Variants in RSF1 observed in about 807,000 individuals in gnomAD.
RSF1 encodes remodeling and spacing factor 1.
A neutral mutation model predicts 145.2 loss-of-function variants in RSF1; 13 were observed. The ratio of observed to expected loss-of-function variants is 0.09; its 90% confidence interval spans 0.06 to 0.14. The LOEUF is 0.14. Ranked by LOEUF, RSF1 falls within the 10% of genes least tolerant of loss-of-function variation. The probability of loss-of-function intolerance (pLI) is 1.00; values close to 1 mark genes in which losing one functional copy is unlikely to be tolerated. For synonymous variants in RSF1, 577 were observed against 592.6 expected (o/e 0.97, Z 0.38); for missense variants, 1,517 against 1,718.2 (o/e 0.88, Z 2.07).
intron 5 of RSF1, among the ~76,000 whole-genome samples, chr11:77,724,884 C>T (rs1211732591): frequency 6.6e-6 from 1 of 152,170 alleles, no homozygotes; most frequent in Non-Finnish European, 1.5e-5. Context: ...AATCTGGTTC[C>T]TAACAGGTTA....
chr11:77,812,474 A>G (rs1479400067), intron 1 of RSF1, among the ~76,000 whole-genome samples: 1 of 152,252 alleles, frequency 6.6e-6, no homozygotes, highest in South Asian at 2.1e-4. Context: ...TCTTGCTTAC[A>G]TGAGCCATAT....
Position 77,701,074 on chromosome 11 carries a change from A to G in RSF1, c.2155T>C (p.Ser719Pro), listed in dbSNP as rs1209695063. Residue 719 changes from serine to proline, a missense_variant, in exon 6 of 16, where the codon TCA becomes CCA. Around this residue, in one of 12 missense-constraint regions of RSF1, gnomAD observed 579 missense variants for 553.5 expected, o/e 1.05. Coordinates refer to ENST00000308488, the MANE Select transcript of RSF1 (RefSeq NM_016578.4). ...KLVPEEETTA[S>P]ENTEITSERQ... ...TCAGAGGTTATCTCTGTATTTTCTGAGGCAGTGGTTTCTTCTTCAGGAACC... is the reference window on the plus strand; with the variant it reads ...TCAGAGGTTATCTCTGTATTTTCTGGGGCAGTGGTTTCTTCTTCAGGAACC... 3 of 1,613,456 alleles carry G rather than the reference A, an allele frequency of 1.9e-6. No homozygotes were observed. Among genetic ancestry groups the G allele is most frequent in the Non-Finnish European group, 2.5e-6 (3 of 1,179,966 alleles).
intron 8 of RSF1, among the ~76,000 whole-genome samples, chr11:77,693,295 T>C (rs934934108): frequency 6.6e-6 from 1 of 152,124 alleles, no homozygotes; most frequent in Non-Finnish European, 1.5e-5. Context: ...TTCATAATTT[T>C]ACAAAACTTA....
At chr11:77,817,833 G>A (rs1444614950) in intron 1 of RSF1, among the ~76,000 whole-genome samples, 2 of 152,124 alleles carry the variant, frequency 1.3e-5, no homozygotes, top group African/African-American at 2.4e-5. Context: ...CTTGTTGGCT[G>A]AGCCACTATC....
chr11:77,714,842 TA>T (rs879594571), intron 5 of RSF1, among the ~76,000 whole-genome samples: 315 of 143,152 alleles, frequency 2.2e-3, no homozygotes, highest in Non-Finnish European at 2.0e-3. Context: ...ACCTTGTCTT[TA>T]AAAAAAAAAA....
At chr11:77,830,688 A>G in the RSF1 span, among the ~76,000 whole-genome samples, 1 of 152,076 alleles carries the variant, frequency 6.6e-6, no homozygotes, top group Non-Finnish European at 1.5e-5. Flanking sequence ...CACCCCAAAC[A>G]GCAACAGGAT....
chr11:77,778,278 G>GC (rs1948368721), intron 1 of RSF1, among the ~76,000 whole-genome samples: 1 of 126,844 alleles, frequency 7.9e-6, no homozygotes, highest in African/African-American at 3.0e-5. Flanking sequence ...GGATGGGGGA[G>GC]GGGAGGGGAA....
chr11:77,683,545 A>C (rs1274779426), intron 11 of RSF1, among the ~76,000 whole-genome samples, 165 bp downstream of exon 11: 2 of 152,066 alleles, frequency 1.3e-5, no homozygotes, highest in Non-Finnish European at 2.9e-5. Context: ...TCTCAAAAAA[A>C]AAAGAAAAAG....
At chr11:77,691,342 G>T in intron 8 of RSF1, 104 bp from the exon 9 acceptor site, 2 of 877,648 alleles carry the variant, frequency 2.3e-6, no homozygotes, top group South Asian at 2.9e-5. Context: ...GCTGGTAAGG[G>T]ACCACATAGT....
At chr11:77,794,556 T>C (rs1181501839) in intron 1 of RSF1, among the ~76,000 whole-genome samples, 3 of 151,540 alleles carry the variant, frequency 2.0e-5, no homozygotes, top group Non-Finnish European at 4.4e-5. Flanking sequence ...AAAAAAAACA[T>C]ACAAACACAT....
Position 77,702,155 on chromosome 11 carries a change from T to C in RSF1, c.1074A>G (p.Lys358=), listed in dbSNP as rs2135854996. 2 of 1,614,010 alleles carry C rather than the reference T, an allele frequency of 1.2e-6. No individual in the cohort carries two copies. Among genetic ancestry groups the C allele is most frequent in the African/African-American group, 1.3e-5 (1 of 75,042 alleles). The change falls in exon 6 of 16, where the codon AAA becomes AAG. Residue 358 remains lysine, a synonymous_variant. Coordinates refer to ENST00000308488, the MANE Select transcript of RSF1 (RefSeq NM_016578.4). ...ATTTCTCAGTAATTTCGTGAGAAGATTTAATATTGCCACCAAATTCGATCC... is the reference window on the plus strand; with the variant it reads ...ATTTCTCAGTAATTTCGTGAGAAGACTTAATATTGCCACCAAATTCGATCC... ...PERIEFGGNI[K]SSHEITEKST... is the part of the protein sequence containing the mutation.
chr11:77,718,702 A>G (rs56238617), intron 5 of RSF1, among the ~76,000 whole-genome samples: 1,981 of 152,298 alleles, frequency 0.013, 39 homozygotes, highest in African/African-American at 0.046. Context: ...ACACACAGAG[A>G]AGAGAGTCAT....
chr11:77,760,874 G>A (rs1026957398), intron 2 of RSF1, among the ~76,000 whole-genome samples: 4 of 151,874 alleles, frequency 2.6e-5, no homozygotes, highest in African/African-American at 9.7e-5. Flanking sequence ...CTGTTGAGGG[G>A]TAGAAAAACA....
the RSF1 span, among the ~76,000 whole-genome samples, chr11:77,858,299 A>ATTTTTTTTT: frequency 1.1e-5 from 1 of 91,556 alleles, no homozygotes. Context: ...CGTTTAAGCA[A>ATTTTTTTTT]TTCTTTTTTT....
chr11:77,773,930 T>A (rs1948313566), intron 1 of RSF1, among the ~76,000 whole-genome samples: 1 of 152,102 alleles, frequency 6.6e-6, no homozygotes. Context: ...AAGTGTAGTA[T>A]CGGTTCTTAT....
chr11:77,858,630 C>G, the RSF1 span, among the ~76,000 whole-genome samples: 6 of 152,104 alleles, frequency 3.9e-5, no homozygotes, highest in African/African-American at 1.4e-4. Flanking sequence ...CTCAGTCCCC[C>G]CTCTCAACAG....
At chr11:77,831,080 G>C in the RSF1 span, among the ~76,000 whole-genome samples, 17 of 151,688 alleles carry the variant, frequency 1.1e-4, no homozygotes, top group Non-Finnish European at 1.5e-5. Context: ...AATTCGTCGA[G>C]GCTTCAGTGA....
At chr11:77,814,118 T>C (rs925383966) in intron 1 of RSF1, among the ~76,000 whole-genome samples, 5 of 151,360 alleles carry the variant, frequency 3.3e-5, no homozygotes, top group Non-Finnish European at 5.9e-5. Flanking sequence ...GAGAATCACT[T>C]GAACCCAGGA....
intron 4 of RSF1, chr11:77,734,336 G>T: frequency 2.0e-6 from 1 of 501,506 alleles, no homozygotes; most frequent in Non-Finnish European, 3.5e-6. Context: ...TTCTTCATCT[G>T]AAGGAATGGC....
Sources: gnomAD v4.1 joint callset for allele counts (sites outside exome capture counted in the v4.1 genomes callset) on GRCh38, gnomAD v4.1.1 for gene constraint, gnomAD v4.1.1 regional missense constraint, MANE v1.5 for transcripts, NCBI Gene and HGNC (gene_info 2026-07-23, HGNC 2026-07-21) for gene names.